ARMC3: variants seen among roughly 807,000 people sequenced by gnomAD.
ARMC3 encodes the protein armadillo repeat-containing protein 3.
Under a neutral mutation model 90.3 loss-of-function variants are expected in ARMC3, and 74 were observed. That is an observed-to-expected ratio of 0.82 (90% CI 0.68 to 0.99). The LOEUF is 0.99. Among genes scored for constraint, ARMC3 ranks in the 50% least tolerant of loss-of-function variants. The pLI is 0.00. For synonymous variants in ARMC3, 334 were observed against 361.8 expected (o/e 0.92, Z 0.87); for missense variants, 958 against 1,042.8 (o/e 0.92, Z 1.12).
At chr10:22,943,888 C>T (rs953003812) in intron 2 of ARMC3, among the ~76,000 whole-genome samples, 2 of 150,994 alleles carry the variant, frequency 1.3e-5, no homozygotes, top group East Asian at 1.9e-4. Flanking sequence ...GAGCCAAGAT[C>T]GCGCCATTGC....
chr10:22,972,857 A>G (rs1419305295), intron 8 of ARMC3, among the ~76,000 whole-genome samples: 1 of 152,118 alleles, frequency 6.6e-6, no homozygotes, highest in African/African-American at 2.4e-5. Flanking sequence ...ATTATTTTCC[A>G]TTTCAGTCTT....
chr10:22,964,660 C>G (rs373935447), intron 7 of ARMC3, among the ~76,000 whole-genome samples: 2 of 151,576 alleles, frequency 1.3e-5, no homozygotes, highest in Non-Finnish European at 2.9e-5. Flanking sequence ...AGGCTAGTCT[C>G]GAACTCCTGA....
Position 22,946,082 on chromosome 10 carries a change from C to T in ARMC3, c.49-62C>T. Reference sequence around the variant, plus strand: ...TTTTCTTTAAGTTTTAAGACCCATTCATTTTTAATGTGATTTTTAAAGCTC... The same window carrying T: ...TTTTCTTTAAGTTTTAAGACCCATTTATTTTTAATGTGATTTTTAAAGCTC... On this transcript the variant is annotated intron_variant, in intron 2 of 18. Transcript: ENST00000298032. 8.3e-6 allele frequency: 10 copies of T among 1,205,174 alleles called. No homozygotes were observed. The South Asian group carries it at 1.4e-4, about 17-fold the overall frequency. The allele number at this position is 1,205,174 out of a possible 1,614,324, so 74.7% of individuals were successfully genotyped here.
In ARMC3 at chr10:22,998,397, G is replaced by A. The variant is rs758242322; in HGVS notation, c.1425G>A (p.Glu475=). The change falls in exon 11 of 19, where the codon GAG becomes GAA. Residue 475 remains glutamate (E), a splice_region_variant and synonymous_variant. Coordinates refer to ENST00000298032, the MANE Select transcript of ARMC3 (RefSeq NM_173081.5). ...ATACDVEART[E]LRNSGGLEPL... ...CGTGTGACGTTGAAGCCCGGACTGA[G>A]GTGAGAATTTTAATAACATGTGTTC... The A allele has an allele frequency of 1.9e-6, 3 of 1,613,654 alleles. No individual in the cohort carries two copies. The highest frequency in any genetic ancestry group is 2.2e-5 in the East Asian group (1 of 44,870).
chr10:22,955,999 A>G lies in ARMC3; in HGVS notation c.292+67A>G. ...AATGCATTATCATTCTTTTAAATTT[A>G]ACATTAAGGAATTTGTTTCAATTTT... On this transcript the variant is annotated intron_variant, in intron 4 of 18. Coordinates refer to ENST00000298032, the MANE Select transcript of ARMC3 (RefSeq NM_173081.5). The G allele has an allele frequency of 3.6e-6, 5 of 1,382,486 alleles. No individual in the cohort carries two copies. In the South Asian group the frequency reaches 5.7e-5, roughly 16 times the overall value. The allele number at this position is 1,382,486 out of a possible 1,614,324, so 85.6% of individuals were successfully genotyped here. A position where few individuals can be genotyped will look rare whatever the true frequency, so the allele number is the denominator to read the frequency against.
intron 11 of ARMC3, among the ~76,000 whole-genome samples, chr10:22,999,691 G>A (rs1307630608): frequency 6.6e-6 from 1 of 152,246 alleles, no homozygotes; most frequent in Non-Finnish European, 1.5e-5. Flanking sequence ...GACTTGGTAA[G>A]TGGCGAGTCA....
chr10:23,021,788 T>C (rs1360385199), intron 16 of ARMC3, among the ~76,000 whole-genome samples: 1 of 152,190 alleles, frequency 6.6e-6, no homozygotes, highest in Non-Finnish European at 1.5e-5. Context: ...GTTTACTCTG[T>C]TGATAGTTTC....
rs568054767 is a variant in ARMC3 at position 22,998,522 on chromosome 10, G to A, written c.1425+125G>A. On this transcript the variant is annotated intron_variant, in intron 11 of 18. Coordinates refer to ENST00000298032, the MANE Select transcript of ARMC3 (RefSeq NM_173081.5). Reference sequence around the variant, plus strand: ...TAAGTCCTTCAAAACCGGTAAAACAGTGGAAAACGAATTGGCATTGTCTTG... The same window carrying A: ...TAAGTCCTTCAAAACCGGTAAAACAATGGAAAACGAATTGGCATTGTCTTG... The A allele has an allele frequency of 1.8e-4, 228 of 1,271,604 alleles. 3 individuals are homozygous for A. The South Asian group carries it at 3.3e-3, about 18-fold the overall frequency. 78.8% of individuals were successfully genotyped at this position (1,271,604 alleles called of 1,614,324 possible).
At chr10:22,975,749 C>G (rs532100256) in intron 8 of ARMC3, among the ~76,000 whole-genome samples, 5 of 152,136 alleles carry the variant, frequency 3.3e-5, no homozygotes, top group South Asian at 2.1e-4. Flanking sequence ...CACAGGCAAG[C>G]CTTTTGATCT....
chr10:23,011,715 T>C (rs1370250049), intron 16 of ARMC3, among the ~76,000 whole-genome samples: 5 of 152,204 alleles, frequency 3.3e-5, no homozygotes, highest in African/African-American at 1.2e-4. Flanking sequence ...GTAGCTTGCA[T>C]GTGACCTTGG....
rs1284684031 is a variant in ARMC3 at position 22,998,278 on chromosome 10, C to G, written c.1306C>G (p.Gln436Glu). ...AMQEPLRLNI[Q>E]NHDIMHAIIS... ...GCAGGAGCCCCTGCGCCTGAACATACAGAATCACGACATCATGCATGCCAT... is the reference window on the plus strand; with the variant it reads ...GCAGGAGCCCCTGCGCCTGAACATAGAGAATCACGACATCATGCATGCCAT... The change falls in exon 11 of 19, where the codon CAG (glutamine) becomes GAG (glutamate). Residue 436 changes from glutamine (Q) to glutamate (E), a missense_variant. By Grantham distance (29) the Gln-to-Glu change is conservative. Coordinates refer to ENST00000298032, the MANE Select transcript of ARMC3 (RefSeq NM_173081.5). 1 of 1,612,218 alleles carries G rather than the reference C, an allele frequency of 6.2e-7. No individual in the cohort carries two copies. The highest frequency in any genetic ancestry group is 1.3e-5 in the African/African-American group (1 of 74,898).
intron 10 of ARMC3, among the ~76,000 whole-genome samples, chr10:22,994,020 A>T (rs1475503879): frequency 1.3e-5 from 2 of 152,244 alleles, no homozygotes; most frequent in Non-Finnish European, 1.5e-5. Flanking sequence ...TAACATTTTT[A>T]AATTGTTACT....
In ARMC3 at chr10:22,955,888, TAAG is replaced by T. The variant is rs1296954574; in HGVS notation, c.254_256del (p.Arg85del). 4 of 1,611,452 alleles carry T rather than the reference TAAG, an allele frequency of 2.5e-6. No individual in the cohort carries two copies. The highest frequency in any genetic ancestry group is 3.4e-6 in the Non-Finnish European group (4 of 1,177,720). Reference sequence around the variant, plus strand: ...CTACTCACCCATGAAGACAAAATTGTAAGAAGAAATGCTACTATGATATTTGGA... The same window carrying T: ...CTACTCACCCATGAAGACAAAATTGTAAGAAATGCTACTATGATATTTGGA... On this transcript the variant is annotated inframe_deletion, in exon 4 of 19. Transcript: ENST00000298032.
At chr10:22,982,847 T>C (rs1836254846) in intron 10 of ARMC3, among the ~76,000 whole-genome samples, 1 of 152,224 alleles carries the variant, frequency 6.6e-6, no homozygotes, top group Non-Finnish European at 1.5e-5. Context: ...TACTTAATAG[T>C]TCTTAGCCTT....
At chr10:23,027,510 C>T (rs190776664) in intron 16 of ARMC3, among the ~76,000 whole-genome samples, 80 of 152,212 alleles carry the variant, frequency 5.3e-4, no homozygotes, top group Admixed American at 1.9e-3. Flanking sequence ...TCGATGAACT[C>T]ATTTATAGTA....
At chr10:23,036,769 A>G (rs1425589880) in intron 18 of ARMC3, among the ~76,000 whole-genome samples, 1 of 152,238 alleles carries the variant, frequency 6.6e-6, no homozygotes, top group Non-Finnish European at 1.5e-5. Context: ...CAAGGAACCA[A>G]CGTAGTCTCT....
chr10:22,993,916 G>A (rs1285664502), intron 10 of ARMC3, among the ~76,000 whole-genome samples: 1 of 152,220 alleles, frequency 6.6e-6, no homozygotes, highest in Admixed American at 6.5e-5. Flanking sequence ...CCTCAGTGAT[G>A]TTCTTAGCAT....
rs555797897 is a variant in ARMC3 at position 23,000,952 on chromosome 10, C to T, written c.1426-967C>T. On this transcript the variant is annotated intron_variant, in intron 11 of 18. Coordinates refer to ENST00000298032, the MANE Select transcript of ARMC3 (RefSeq NM_173081.5). ...TTTCTGATTGGAATAATTTTATACA[C>T]GAGTGATGTCTTTTAATAATGTAAT... Among the ~76,000 whole-genome samples, 170 of 152,112 alleles carry T rather than the reference C, an allele frequency of 1.1e-3. 4 individuals carry two copies. In the South Asian group the frequency reaches 0.034, roughly 30 times the overall value.
intron 11 of ARMC3, among the ~76,000 whole-genome samples, chr10:22,999,189 A>C (rs926565432): frequency 6.6e-6 from 1 of 152,206 alleles, no homozygotes; most frequent in Non-Finnish European, 1.5e-5. Context: ...AATTGCATTT[A>C]TCTGAAAATC....
Sources: allele counts gnomAD v4.1 joint callset (sites outside exome capture counted in the v4.1 genomes callset), GRCh38; gene constraint gnomAD v4.1.1; transcripts MANE v1.5; gene names NCBI Gene and HGNC (gene_info 2026-07-23, HGNC 2026-07-21).